Variants in CTNNA2 observed in about 807,000 individuals in gnomAD.
CTNNA2 encodes catenin alpha-2.
CTNNA2 carries 42 observed loss-of-function variants against 101.0 expected under a neutral mutation model. The ratio of observed to expected loss-of-function variants is 0.42; its 90% CI spans 0.32 to 0.54. The LOEUF (loss-of-function observed/expected upper bound fraction) is 0.54, where lower values mean the gene tolerates loss of function less well. Ranked by LOEUF, CTNNA2 falls within the 20% of genes least tolerant of loss-of-function variation. CTNNA2 has a pLI of 0.14. For synonymous variants in CTNNA2, 450 were observed against 456.4 expected, an observed-to-expected ratio of 0.99 and a Z score of 0.18; for missense variants, 871 against 1,223.1, an observed-to-expected ratio of 0.71 and a Z score of 4.29.
chr2:80,147,317 GT>G (rs1459633689), intron 7 of CTNNA2, among the ~76,000 whole-genome samples: 4 of 152,052 alleles, frequency 2.6e-5, no homozygotes, highest in Non-Finnish European at 5.9e-5. Flanking sequence ...AGCCAGGCTG[GT>G]TTTGAACTCC....
At chr2:79,608,105 G>A (rs757990417) in intron 1 of CTNNA2, among the ~76,000 whole-genome samples, 1 of 151,850 alleles carries the variant, frequency 6.6e-6, no homozygotes, top group Non-Finnish European at 1.5e-5. Flanking sequence ...CAGGTCTTCA[G>A]GTATGACAAG....
At chr2:80,577,687 TTTG>T (rs907811857) in intron 13 of CTNNA2, among the ~76,000 whole-genome samples, 3 of 126,222 alleles carry the variant, frequency 2.4e-5, no homozygotes, top group African/African-American at 1.0e-4. Context: ...GTTTTTTCAT[TTTG>T]TTGTTGTTGT....
chr2:80,565,374 G>A (rs1693965493), intron 12 of CTNNA2, among the ~76,000 whole-genome samples: 1 of 151,894 alleles, frequency 6.6e-6, no homozygotes, highest in South Asian at 2.1e-4. Flanking sequence ...TATTAAAAAT[G>A]CAACACTGTC....
chr2:80,419,445 G>A lies in CTNNA2; in HGVS notation c.1138-4G>A, dbSNP rs1461372566. On this transcript the variant is annotated splice_region_variant and splice_polypyrimidine_tract_variant and intron_variant, in intron 8 of 18. Transcript: ENST00000402739. ...GTCATTTTTTGTTTTTGTTTCAACT[G>A]TAGCTTCGGAAAGCAGTGATGGATC... 1.3e-6 allele frequency: 2 copies of A among 1,594,458 alleles called. No homozygotes were observed. Among genetic ancestry groups the A allele is most frequent in the Non-Finnish European group, 8.6e-7 (1 of 1,168,330 alleles).
intron 2 of CTNNA2, among the ~76,000 whole-genome samples, chr2:79,301,231 C>T (rs1676100529): frequency 6.6e-6 from 1 of 152,184 alleles, no homozygotes; most frequent in South Asian, 2.1e-4. Flanking sequence ...ATAAGATTTT[C>T]CAATTCCATA....
chr2:79,585,259 T>A (rs1390625674), intron 1 of CTNNA2, among the ~76,000 whole-genome samples: 1 of 152,034 alleles, frequency 6.6e-6, no homozygotes, highest in African/African-American at 2.4e-5. Context: ...GTTTTTCAAT[T>A]GTTTTTCTTG....
chr2:79,818,924 C>A (rs1267092191), intron 3 of CTNNA2, among the ~76,000 whole-genome samples: 1 of 138,738 alleles, frequency 7.2e-6, no homozygotes, highest in African/African-American at 2.7e-5. Context: ...CACACACATA[C>A]ACACAAAAGT....
At chr2:79,680,847 C>A (rs1683514910) in intron 2 of CTNNA2, among the ~76,000 whole-genome samples, 1 of 152,176 alleles carries the variant, frequency 6.6e-6, no homozygotes, top group Admixed American at 6.5e-5. Flanking sequence ...TTCATCAGAG[C>A]AAAGCTTTGC....
At position 80,606,412 on chromosome 2, in the gene CTNNA2, A is replaced by ACC. The variant is rs1553407272; in HGVS notation, c.2296-1767_2296-1766dup. Among the ~76,000 whole-genome samples, 268 of 48,664 alleles carry ACC rather than the reference A, an allele frequency of 5.5e-3. 5 individuals are homozygous for ACC. Among genetic ancestry groups the ACC allele is most frequent in the East Asian group, 0.039 (79 of 2,050 alleles). The allele number at this position is 48,664 out of a possible 152,430, so 31.9% of individuals were successfully genotyped here. ...CACACACACACACACACACACACAC[A>ACC]CCCCCCAGGATACATTTATTTTGAG... On this transcript the variant is annotated intron_variant, in intron 16 of 18. Coordinates refer to ENST00000402739, the MANE Select transcript of CTNNA2 (RefSeq NM_001282597.3).
chr2:79,559,659 C>T (rs146272063), intron 1 of CTNNA2, among the ~76,000 whole-genome samples: 130 of 151,944 alleles, frequency 8.6e-4, no homozygotes, highest in Non-Finnish European at 1.6e-3. Flanking sequence ...TGATCAAATG[C>T]ACTTTGGATG....
intron 4 of CTNNA2, among the ~76,000 whole-genome samples, chr2:79,450,861 C>T (rs1291075232): frequency 2.6e-5 from 4 of 152,064 alleles, no homozygotes; most frequent in Non-Finnish European, 5.9e-5. Flanking sequence ...TAATTATTAT[C>T]CATGTATTCC....
chr2:80,645,688 T>C (rs551736010), intron 18 of CTNNA2, among the ~76,000 whole-genome samples: 1 of 150,992 alleles, frequency 6.6e-6, no homozygotes, highest in African/African-American at 2.5e-5. Flanking sequence ...CACTAATTCA[T>C]GCTTGGCTTC....
intron 1 of CTNNA2, among the ~76,000 whole-genome samples, chr2:79,583,119 G>A (rs983059829): frequency 6.6e-6 from 1 of 151,696 alleles, no homozygotes; most frequent in Non-Finnish European, 1.5e-5. Context: ...GCCACAGTTT[G>A]TTTATCTAGT....
chr2:79,841,494 G>A (rs1355347909), intron 3 of CTNNA2, among the ~76,000 whole-genome samples: 1 of 152,158 alleles, frequency 6.6e-6, no homozygotes, highest in African/African-American at 2.4e-5. Context: ...AAGAAGGTGG[G>A]AATTTAAAAT....
At chr2:80,285,128 G>A (rs1336541277) in intron 7 of CTNNA2, among the ~76,000 whole-genome samples, 1 of 152,124 alleles carries the variant, frequency 6.6e-6, no homozygotes, top group Non-Finnish European at 1.5e-5. Flanking sequence ...CCATGACCTG[G>A]CTTCATGGAA....
At chr2:80,281,336 C>T (rs757514190) in intron 7 of CTNNA2, among the ~76,000 whole-genome samples, 1 of 151,988 alleles carries the variant, frequency 6.6e-6, no homozygotes, top group Non-Finnish European at 1.5e-5. Context: ...CCTTAGAGCT[C>T]ATAAAAAGGT....
intron 9 of CTNNA2, among the ~76,000 whole-genome samples, chr2:80,496,392 T>G (rs900084002): frequency 1.6e-5 from 2 of 126,114 alleles, no homozygotes; most frequent in African/African-American, 6.5e-5. Flanking sequence ...TCTTCTTCAC[T>G]GTCTTTTTTT....
chr2:79,348,397 T>C (rs1270856326), intron 3 of CTNNA2, among the ~76,000 whole-genome samples: 1 of 152,230 alleles, frequency 6.6e-6, no homozygotes, highest in South Asian at 2.1e-4. Context: ...GGTTCTAGAA[T>C]GTACTGATGG....
chr2:79,820,742 C>T (rs1033099874), intron 3 of CTNNA2, among the ~76,000 whole-genome samples: 32 of 152,314 alleles, frequency 2.1e-4, no homozygotes, highest in Non-Finnish European at 1.5e-5. Context: ...CAATAAATCT[C>T]ATGTTCCTCA....
Sources: gnomAD v4.1 joint callset for allele counts (sites outside exome capture counted in the v4.1 genomes callset) on GRCh38, gnomAD v4.1.1 for gene constraint, MANE v1.5 for transcripts, NCBI Gene and HGNC (gene_info 2026-07-23, HGNC 2026-07-21) for gene names.